LRP1B: variants seen among roughly 807,000 people sequenced by gnomAD.
The protein encoded by LRP1B is low-density lipoprotein receptor-related protein 1B.
A neutral mutation model predicts 556.6 loss-of-function variants in LRP1B; 217 were observed. The ratio of observed to expected loss-of-function variants is 0.39; its 90% CI spans 0.35 to 0.44. The LOEUF is 0.44. Ranked by LOEUF, LRP1B falls within the 20% of genes least tolerant of loss-of-function variation. LRP1B has a pLI of 1.00. For missense variants in LRP1B, 5,053 were observed against 5,620.8 expected, an observed-to-expected ratio of 0.90 and a Z score of 3.23; for synonymous variants, 2,047 against 1,865.8, an observed-to-expected ratio of 1.10 and a Z score of -2.50.
intron 1 of LRP1B, among the ~76,000 whole-genome samples, chr2:142,120,929 A>C (rs1037474238): frequency 6.6e-6 from 1 of 152,174 alleles, no homozygotes; most frequent in African/African-American, 2.4e-5. Flanking sequence ...TGTGACTTTT[A>C]TTGTGAACCA....
rs534684536 is a variant in LRP1B, at chr2:140,334,000, A to C, written c.12223+453T>G. 1.8e-4 allele frequency among the ~76,000 whole-genome samples: 27 copies of C among 151,784 alleles called. No individual in the cohort carries two copies. In the East Asian group the frequency reaches 1.9e-3, roughly 11 times the overall value. On this transcript the variant is annotated intron_variant, in intron 79 of 90. Transcript: ENST00000389484. ...AAAGAGCTCTGAATGAAAAGGCAAA[A>C]AAAACAAAACAAAACAAAACAAAAA...
At chr2:140,388,173 G>A (rs748673791) in intron 66 of LRP1B, among the ~76,000 whole-genome samples, 1 of 152,268 alleles carries the variant, frequency 6.6e-6, no homozygotes, top group South Asian at 2.1e-4. Flanking sequence ...CTGACCTCAG[G>A]TGATCCGCCA....
chr2:141,597,758 A>T (rs1559166064), intron 2 of LRP1B, among the ~76,000 whole-genome samples: 1 of 152,014 alleles, frequency 6.6e-6, no homozygotes, highest in Non-Finnish European at 1.5e-5. Context: ...GTACTTATGT[A>T]GTTTTTCAAT....
chr2:141,190,593 T>G (rs916311939), intron 6 of LRP1B, among the ~76,000 whole-genome samples: 1 of 152,022 alleles, frequency 6.6e-6, no homozygotes, highest in Admixed American at 6.6e-5. Flanking sequence ...TTCATTAAAA[T>G]ACCTATAAAT....
intron 1 of LRP1B, among the ~76,000 whole-genome samples, chr2:141,986,235 A>G (rs1439609090): frequency 6.6e-6 from 1 of 151,986 alleles, no homozygotes; most frequent in African/African-American, 2.4e-5. Flanking sequence ...TTGTACGGCT[A>G]AAAGTAGTTA....
intron 7 of LRP1B, among the ~76,000 whole-genome samples, chr2:141,151,141 T>G (rs1157244705): frequency 6.6e-6 from 1 of 152,164 alleles, no homozygotes; most frequent in Non-Finnish European, 1.5e-5. Context: ...TGCCTTAAAA[T>G]AATGGTTTAT....
chr2:140,804,756 G>C (rs1488422601), intron 32 of LRP1B, among the ~76,000 whole-genome samples: 1 of 143,250 alleles, frequency 7.0e-6, no homozygotes, highest in Non-Finnish European at 1.5e-5. Flanking sequence ...ACAATGTCTA[G>C]AGGGAACATT....
intron 3 of LRP1B, among the ~76,000 whole-genome samples, chr2:141,470,382 C>G (rs1032194827): frequency 6.6e-6 from 1 of 152,120 alleles, no homozygotes; most frequent in Non-Finnish European, 1.5e-5. Context: ...GTTGTTCAGC[C>G]TGTTGTTTGC....
At chr2:142,095,079 AAT>A (rs1357936171) in intron 1 of LRP1B, among the ~76,000 whole-genome samples, 10 of 151,838 alleles carry the variant, frequency 6.6e-5, no homozygotes, top group African/African-American at 1.7e-4. Flanking sequence ...AAAATAAAAA[AAT>A]AGTTTTCTGT....
chr2:141,800,639 G>A (rs371139051), intron 2 of LRP1B, among the ~76,000 whole-genome samples: 33 of 152,248 alleles, frequency 2.2e-4, no homozygotes, highest in African/African-American at 7.7e-4. Context: ...TCACAGCACA[G>A]TATCTGGCAC....
At chr2:140,284,885 T>C (rs1683068285) in intron 84 of LRP1B, among the ~76,000 whole-genome samples, 1 of 144,384 alleles carries the variant, frequency 6.9e-6, no homozygotes, top group African/African-American at 2.4e-5. Flanking sequence ...TCTATCTATA[T>C]CTATATATGG....
At position 141,267,790 on chromosome 2, in the gene LRP1B, G is replaced by A. The variant is rs114902561; in HGVS notation, c.344-13149C>T. ...AGAAAATGCATATATAATTGAAGAA[G>A]GATTATACACATATAACTTCTATGT... On this transcript the variant is annotated intron_variant, in intron 3 of 90. Transcript: ENST00000389484. 3.8e-3 allele frequency among the ~76,000 whole-genome samples: 584 copies of A among 152,012 alleles called. 2 individuals carry two copies. Among genetic ancestry groups the A allele is most frequent in the African/African-American group, 0.013 (533 of 41,470 alleles).
chr2:141,477,321 T>G (rs1392246520), intron 3 of LRP1B, among the ~76,000 whole-genome samples: 1 of 150,020 alleles, frequency 6.7e-6, no homozygotes, highest in African/African-American at 2.5e-5. Context: ...AAGAAAGAAT[T>G]TCCAAAAAGA....
intron 60 of LRP1B, among the ~76,000 whole-genome samples, chr2:140,464,956 A>G (rs1003511549): frequency 2.6e-5 from 4 of 152,192 alleles, no homozygotes; most frequent in Non-Finnish European, 5.9e-5. Flanking sequence ...TATTACAAGC[A>G]TTTTCAAATG....
intron 6 of LRP1B, among the ~76,000 whole-genome samples, chr2:141,214,297 G>T (rs140050126): frequency 6.6e-6 from 1 of 152,254 alleles, no homozygotes; most frequent in East Asian, 1.9e-4. Flanking sequence ...GGTGAAGAAT[G>T]AAAATCACAC....
intron 2 of LRP1B, among the ~76,000 whole-genome samples, chr2:141,797,146 C>CACATATATAT (rs1553465613): frequency 1.3e-5 from 1 of 79,092 alleles, no homozygotes; most frequent in Non-Finnish European, 2.4e-5. Flanking sequence ...TGAAAATAAT[C>CACATATATAT]ATATATATAT....
chr2:141,182,297 A>G (rs1222784567), intron 7 of LRP1B, among the ~76,000 whole-genome samples: 1 of 151,966 alleles, frequency 6.6e-6, no homozygotes, highest in Non-Finnish European at 1.5e-5. Context: ...GCTATAGATA[A>G]AAAAGCATTG....
intron 7 of LRP1B, among the ~76,000 whole-genome samples, chr2:141,098,333 C>T (rs985371701): frequency 6.6e-6 from 1 of 152,172 alleles, no homozygotes. Flanking sequence ...TTATACCCTG[C>T]AATCATCTTT....
At chr2:141,173,795 A>C (rs962174937) in intron 7 of LRP1B, among the ~76,000 whole-genome samples, 6 of 152,016 alleles carry the variant, frequency 3.9e-5, no homozygotes, top group African/African-American at 7.2e-5. Flanking sequence ...GCACCAACTC[A>C]ATCAATCTTG....
Sources: allele counts gnomAD v4.1 joint callset (sites outside exome capture counted in the v4.1 genomes callset), GRCh38; gene constraint gnomAD v4.1.1; transcripts MANE v1.5; gene names NCBI Gene and HGNC (gene_info 2026-07-23, HGNC 2026-07-21).